Variants in IDI2 observed in about 807,000 individuals in gnomAD.
IDI2 encodes the protein isopentenyl-diphosphate delta-isomerase 2.
IDI2 carries 18 observed loss-of-function variants against 14.8 expected under a neutral mutation model. The ratio of observed to expected loss-of-function variants is 1.22; its 90% CI spans 0.84 to 1.80. The LOEUF is 1.80. Ranked by LOEUF, IDI2 falls within the 40% of genes most tolerant of loss-of-function variation. IDI2 has a pLI of 0.00. For missense variants in IDI2, 316 were observed against 283.2 expected, an observed-to-expected ratio of 1.12 and a Z score of -0.83; for synonymous variants, 133 against 109.6, an observed-to-expected ratio of 1.21 and a Z score of -1.33.
At chr10:1,024,555 T>G in intron 2 of IDI2, 27 bp downstream of exon 2, 1 of 1,613,024 alleles carries the variant, frequency 6.2e-7, no homozygotes, top group Non-Finnish European at 8.5e-7. Flanking sequence ...CCCTGGGAAC[T>G]GGACAGAGAA....
rs561752685 is a variant in IDI2 at position 1,024,677 on chromosome 10, C to A, written c.47G>T (p.Arg16Leu). 1 of 1,614,024 alleles carries A rather than the reference C, an allele frequency of 6.2e-7. No individual in the cohort carries two copies. The change falls in exon 2 of 5, where the codon CGC becomes CTC. Residue 16 changes from arginine to leucine, a missense_variant. Coordinates refer to ENST00000277517, the MANE Select transcript of IDI2 (RefSeq NM_033261.3). ...CACAACAATCAGCATTTCCTCCAAG[C>A]GCTGCAACTGACGCCTGTCAACCCA... Reference protein sequence around the residue: ...LDWVDRRQLQRLEEMLIVVDE... With the variant: ...LDWVDRRQLQLLEEMLIVVDE...
At position 1,024,826 on chromosome 10, in the gene IDI2, G is replaced by T. The variant is rs41285593; in HGVS notation, c.-21-82C>A. 8.5e-3 allele frequency: 11,220 copies of T among 1,323,216 alleles called. 80 individuals are homozygous for T. Among genetic ancestry groups the T allele is most frequent in the Non-Finnish European group, 0.011 (10,094 of 937,388 alleles). 82.0% of individuals were successfully genotyped at this position (1,323,216 alleles called of 1,614,324 possible). A position where few individuals can be genotyped will look rare whatever the true frequency, so the allele number is the denominator to read the frequency against. ...TGCTATGTGTTACCAACCACATTAG[G>T]ATTTAGCATACACCTTCTCTACAAG... On this transcript the variant is annotated intron_variant, in intron 1 of 4. Transcript: ENST00000277517.
At chr10:1,019,926 C>G (rs1325728802) in intron 4 of IDI2, 92 bp from the exon 5 acceptor site, 3 of 998,104 alleles carry the variant, frequency 3.0e-6, no homozygotes, top group Non-Finnish European at 4.5e-6. Context: ...TTGTTTTCCT[C>G]AGAAAATGAA....
At chr10:1,024,437 C>T in intron 2 of IDI2, 145 bp downstream of exon 2, 1 of 824,490 alleles carries the variant, frequency 1.2e-6, no homozygotes. Flanking sequence ...CTCCCCGAGC[C>T]TTCTAAAGAC....
chr10:1,020,245 A>G (rs1445097621), intron 4 of IDI2, among the ~76,000 whole-genome samples: 1 of 148,080 alleles, frequency 6.8e-6, no homozygotes, highest in Non-Finnish European at 1.5e-5. Context: ...TTTTTTTGAG[A>G]TGGAGTCTCG....
intron 4 of IDI2, among the ~76,000 whole-genome samples, chr10:1,020,455 A>G (rs1352378471): frequency 6.6e-6 from 1 of 151,908 alleles, no homozygotes; most frequent in Non-Finnish European, 1.5e-5. Flanking sequence ...TCCCAAAGTG[A>G]TGGGATTACA....
At chr10:1,023,688 C>T (rs562537351) in intron 2 of IDI2, among the ~76,000 whole-genome samples, 249 of 152,086 alleles carry the variant, frequency 1.6e-3, no homozygotes, top group Admixed American at 3.7e-3. Context: ...GGAGGGATGA[C>T]GAGAGGGTGG....
rs774465785 is a variant in IDI2, at chr10:1,020,762, T to C, written c.366+5A>G. ...GACACAGCTGAGACTGGATGCTGTG[T>C]GTACCTGCTCCCCAGGAATTCCCAG... On this transcript the variant is annotated splice_donor_5th_base_variant and intron_variant, in intron 4 of 4. Coordinates refer to ENST00000277517, the MANE Select transcript of IDI2 (RefSeq NM_033261.3). The C allele has an allele frequency of 1.2e-6, 2 of 1,609,800 alleles. No homozygotes were observed. The highest frequency in any genetic ancestry group is 1.7e-5 in the Admixed American group (1 of 59,386).
At chr10:1,022,895 G>A (rs1342589228) in intron 2 of IDI2, 120 bp from the exon 3 acceptor site, 7 of 704,926 alleles carry the variant, frequency 9.9e-6, no homozygotes, top group East Asian at 5.3e-5. Flanking sequence ...ACCTGGGCAG[G>A]GCAAAGGGGA....
In IDI2 at chr10:1,019,854, C is replaced by T. The variant is rs1470293880; in HGVS notation, c.367-20G>A. 6.4e-7 allele frequency: 1 copy of T among 1,551,038 alleles called. No individual in the cohort carries two copies. The highest frequency in any genetic ancestry group is 8.9e-7 in the Non-Finnish European group (1 of 1,123,508). ...AGAAATCTATTGACAGAAATTGGTG[C>T]AGTGTTAACAACGCTAATGTAAAAC... On this transcript the variant is annotated intron_variant, in intron 4 of 4. Transcript: ENST00000277517.
At chr10:1,023,725 G>C (rs899536692) in intron 2 of IDI2, among the ~76,000 whole-genome samples, 12 of 152,294 alleles carry the variant, frequency 7.9e-5, no homozygotes, top group African/African-American at 2.6e-4. Flanking sequence ...TACCGCGATA[G>C]AGAAGGAATA....
At chr10:1,022,246 C>T (rs1832121076) in intron 3 of IDI2, among the ~76,000 whole-genome samples, 1 of 143,682 alleles carries the variant, frequency 7.0e-6, no homozygotes, top group East Asian at 2.0e-4. Flanking sequence ...GTGACTGAGC[C>T]AGACTCCATC....
chr10:1,023,720 C>T (rs1039466584), intron 2 of IDI2, among the ~76,000 whole-genome samples: 9 of 152,026 alleles, frequency 5.9e-5, no homozygotes, highest in East Asian at 5.8e-4. Flanking sequence ...AAACATACCG[C>T]GATAGAGAAG....
chr10:1,022,551 G>A (rs908980604), intron 3 of IDI2, 132 bp downstream of exon 3: 20 of 703,346 alleles, frequency 2.8e-5, no homozygotes, highest in Admixed American at 2.5e-4. Context: ...CTAAGCTGCC[G>A]ATTTTCTGCA....
rs1832207871 is a variant in IDI2 at position 1,025,842 on chromosome 10, G to A, written c.-48C>T. ...TCTCTTGGAAGCTGGAGACTCCTGG[G>A]TATCAGATGTGGAACTCAATGTGCA... On this transcript the variant is annotated 5_prime_UTR_variant, in exon 1 of 5. Transcript: ENST00000277517. The A allele has an allele frequency of 6.6e-6, 1 of 152,152 alleles. No homozygotes were observed. The highest frequency in any genetic ancestry group is 2.1e-4 in the South Asian group (1 of 4,832). The allele number at this position is 152,152 out of a possible 1,614,324, so 9.4% of individuals were successfully genotyped here.
At position 1,019,583 on chromosome 10, in the gene IDI2, G is replaced by A. The variant is rs376118683; in HGVS notation, c.618C>T (p.Tyr206=). 7 of 1,613,856 alleles carry A rather than the reference G, an allele frequency of 4.3e-6. No homozygotes were observed. The highest frequency in any genetic ancestry group is 1.3e-5 in the African/African-American group (1 of 74,880). ...WLRTIAERFL[Y]RWWPHLDDVT... ...CGTCATCCAGGTGAGGCCACCACCG[G>A]TACAGAAACCTCTCGGCAATGGTTC... is the stretch of plus-strand genomic sequence containing the variant. The change falls in exon 5 of 5, where the codon TAC becomes TAT. Residue 206 remains tyrosine (Y), a synonymous_variant. Coordinates refer to ENST00000277517, the MANE Select transcript of IDI2 (RefSeq NM_033261.3).
rs1211520238 is a variant in IDI2, at chr10:1,019,674, T to TG, written c.526dup (p.Gln176ProfsTer15). On this transcript the variant is annotated frameshift_variant, in exon 5 of 5. Coordinates refer to ENST00000277517, the MANE Select transcript of IDI2 (RefSeq NM_033261.3). LOFTEE classifies it low-confidence loss of function (END_TRUNC). ...CTCCAGCAGCTCCCACAGCTCCTCC[T>TG]GGGACAGGTAGAGGATGCTTTTCGT... 6.2e-7 allele frequency: 1 copy of TG among 1,614,052 alleles called. No individual in the cohort carries two copies. The highest frequency in any genetic ancestry group is 8.5e-7 in the Non-Finnish European group (1 of 1,180,012).
At chr10:1,022,620 A>G (rs1832129920) in intron 3 of IDI2, 63 bp downstream of exon 3, 7 of 1,260,072 alleles carry the variant, frequency 5.6e-6, no homozygotes, top group Non-Finnish European at 8.1e-6. Context: ...CCTGTCCCAG[A>G]TTCCTCCGGT....
At position 1,019,319 on chromosome 10, in the gene IDI2, A is replaced by G; in HGVS notation, c.*198T>C. ...AAATTTCCTCCCTGCAACCAGGCAG[A>G]TGAGAAATATGGAAATAAGGAAAAG... On this transcript the variant is annotated 3_prime_UTR_variant, in exon 5 of 5. Transcript: ENST00000277517. 1 of 546,570 alleles carries G rather than the reference A, an allele frequency of 1.8e-6. No individual in the cohort carries two copies. The highest frequency in any genetic ancestry group is 3.2e-6 in the Non-Finnish European group (1 of 310,164). 33.9% of individuals were successfully genotyped at this position (546,570 alleles called of 1,614,324 possible). A position where few individuals can be genotyped will look rare whatever the true frequency, so the allele number is the denominator to read the frequency against.
Sources: gnomAD v4.1 joint callset for allele counts (sites outside exome capture counted in the v4.1 genomes callset) on GRCh38, gnomAD v4.1.1 for gene constraint, MANE v1.5 for transcripts, NCBI Gene and HGNC (gene_info 2026-07-23, HGNC 2026-07-21) for gene names.